Variants in LYST observed in about 807,000 individuals in gnomAD.
LYST encodes lysosomal-trafficking regulator.
Under a neutral mutation model 413.6 loss-of-function variants are expected in LYST, and 192 were observed. The observed-to-expected ratio is 0.46, with a 90% CI of 0.41 to 0.52. The LOEUF (loss-of-function observed/expected upper bound fraction) is 0.52, where lower values mean the gene tolerates loss of function less well. Ranked by LOEUF, LYST falls within the 20% of genes least tolerant of loss-of-function variation. LYST has a pLI of 0.00. For synonymous variants in LYST, 1,525 were observed against 1,567.3 expected (o/e 0.97, Z 0.64); for missense variants, 3,815 against 4,499.9 (o/e 0.85, Z 4.35).
chr1:235,674,014 T>C lies in LYST; in HGVS notation c.11038+3077A>G, dbSNP rs751161625. Among the ~76,000 whole-genome samples, 3 of 152,126 alleles carry C rather than the reference T, an allele frequency of 2.0e-5. No homozygotes were observed. Among genetic ancestry groups the C allele is most frequent in the Admixed American group, 6.6e-5 (1 of 15,266 alleles). On this transcript the variant is annotated intron_variant, in intron 50 of 52. Coordinates refer to ENST00000389793, the MANE Select transcript of LYST (RefSeq NM_000081.4). This position sits in a 1 kb window ranked among gnomAD's most constrained non-coding sequence, Gnocchi z 4.1. The stretch of plus-strand genomic sequence containing the variant: ...TCCGACCCACAGAATATGAACTGCA[T>C]AGCAGCTCTCTTCCAAGACCCCACA...
intron 1 of LYST, among the ~76,000 whole-genome samples, chr1:235,864,077 C>A (rs1680212730): frequency 6.6e-6 from 1 of 152,124 alleles, no homozygotes; most frequent in African/African-American, 2.4e-5. Context: ...CAGAATCCCC[C>A]TTATCCCTGA....
chr1:235,755,767 G>C, intron 24 of LYST, 120 bp from the exon 25 acceptor site: 1 of 605,956 alleles, frequency 1.7e-6, no homozygotes, highest in Non-Finnish European at 2.8e-6. Flanking sequence ...AACACAGAAA[G>C]CTTAAAAAAA....
intron 3 of LYST, among the ~76,000 whole-genome samples, chr1:235,814,571 G>A (rs1372516146): frequency 1.3e-5 from 2 of 152,106 alleles, no homozygotes; most frequent in African/African-American, 4.8e-5. Context: ...GAGTCAGCAG[G>A]GCCAAAGCTG....
intron 1 of LYST, among the ~76,000 whole-genome samples, chr1:235,852,460 A>G (rs1322355768): frequency 6.6e-6 from 1 of 152,222 alleles, no homozygotes; most frequent in African/African-American, 2.4e-5. Flanking sequence ...AGGTAATCTC[A>G]GCACTTTGCC....
chr1:235,795,257 T>G lies in LYST; in HGVS notation c.4007-1645A>C, dbSNP rs180726927. Among the ~76,000 whole-genome samples, 6 of 152,346 alleles carry G rather than the reference T, an allele frequency of 3.9e-5. No homozygotes were observed. In the East Asian group the frequency reaches 7.7e-4, roughly 20 times the overall value. ...AGCACAGATAGTTCAGTATTCACTTTTAGGTCCCAAACCTGATAACTCTTC... is the reference window on the plus strand; with the variant it reads ...AGCACAGATAGTTCAGTATTCACTTGTAGGTCCCAAACCTGATAACTCTTC... On this transcript the variant is annotated intron_variant, in intron 10 of 52. Transcript: ENST00000389793.
In LYST at chr1:235,734,674, A is replaced by G. The variant is rs1181180712; in HGVS notation, c.8359-15T>C. 6.4e-6 allele frequency: 10 copies of G among 1,562,202 alleles called. No individual in the cohort carries two copies. In the Admixed American group the frequency reaches 1.0e-4, roughly 16 times the overall value. ...TTGGCTCCATGCTTTAAAAAAAGTA[A>G]TAATTTTTTAGTCATTTAGAATTTT... On this transcript the variant is annotated splice_polypyrimidine_tract_variant and intron_variant, in intron 31 of 52. Coordinates refer to ENST00000389793, the MANE Select transcript of LYST (RefSeq NM_000081.4).
Position 235,780,971 on chromosome 1 carries a change from T to C in LYST, c.5108A>G (p.Lys1703Arg). The C allele has an allele frequency of 6.2e-7, 1 of 1,607,174 alleles. No individual in the cohort carries two copies. Among genetic ancestry groups the C allele is most frequent in the East Asian group, 2.2e-5 (1 of 44,634 alleles). ...HTSVMPCKYGKPVNDYSKYIN... is the reference protein window; with the variant it reads ...HTSVMPCKYGRPVNDYSKYIN... ...ATATTTGGAGTAGTCATTGACTGGC[T>C]TGCCATACTTACATGGCATTACAGA... Residue 1703 changes from lysine (K) to arginine (R), a missense_variant, in exon 16 of 53, where the codon AAG becomes AGG. Lys to Arg is a conservative substitution (Grantham distance 26). Around this residue, in one of 4 missense-constraint regions of LYST, gnomAD observed 530 missense variants for 696.5 expected, o/e 0.76. Transcript: ENST00000389793.
At chr1:235,784,539 G>T (rs1194572498) in intron 14 of LYST, among the ~76,000 whole-genome samples, 1 of 152,110 alleles carries the variant, frequency 6.6e-6, no homozygotes, top group Non-Finnish European at 1.5e-5. Context: ...CCTCCCTAGG[G>T]TCAGAGTTTA....
At position 235,809,051 on chromosome 1, in the gene LYST, T is replaced by G. The variant is rs747281781; in HGVS notation, c.1767A>C (p.Lys589Asn). 9.9e-6 allele frequency: 16 copies of G among 1,614,122 alleles called. No individual in the cohort carries two copies. Among genetic ancestry groups the G allele is most frequent in the Non-Finnish European group, 1.4e-5 (16 of 1,179,986 alleles). Residue 589 changes from lysine (K) to asparagine (N), a missense_variant, in exon 5 of 53, where the codon AAA becomes AAC. Physicochemically the swap from Lys to Asn is moderately conservative, Grantham distance 94. Coordinates refer to ENST00000389793, the MANE Select transcript of LYST (RefSeq NM_000081.4). This position sits in a 1 kb window ranked among gnomAD's most constrained non-coding sequence, Gnocchi z 4.0. Reference protein sequence around the residue: ...NIGICCCMDPKSVIIPLLHAF... With the variant: ...NIGICCCMDPNSVIIPLLHAF... ...CATGGAGCAAAGGAATGATTACAGA[T>G]TTGGGATCCATACAACAGCATATTC...
intron 3 of LYST, among the ~76,000 whole-genome samples, chr1:235,827,094 T>G (rs558820972): frequency 6.6e-6 from 1 of 152,198 alleles, no homozygotes; most frequent in African/African-American, 2.4e-5. Context: ...CTGGGCGCAG[T>G]GGCTCACACC....
chr1:235,679,165 C>T lies in LYST; in HGVS notation c.10801-1546G>A, dbSNP rs1194743219. Among the ~76,000 whole-genome samples the T allele has an allele frequency of 3.9e-5, 6 of 152,338 alleles. No homozygotes were observed. In the South Asian group the frequency reaches 1.2e-3, roughly 32 times the overall value. On this transcript the variant is annotated intron_variant, in intron 48 of 52. Transcript: ENST00000389793. Reference sequence around the variant, plus strand: ...TGTGACCTTCACCTGAAAACAATCACAGCGACCAGATCAGCTTTTAACAAC... The same window carrying T: ...TGTGACCTTCACCTGAAAACAATCATAGCGACCAGATCAGCTTTTAACAAC...
chr1:235,709,660 T>C (rs1420568492), intron 43 of LYST, among the ~76,000 whole-genome samples: 2 of 150,280 alleles, frequency 1.3e-5, no homozygotes, highest in Non-Finnish European at 2.9e-5. Flanking sequence ...ATCTATTCAA[T>C]TGTAAACCTG....
chr1:235,750,798 G>T (rs1385023356), intron 28 of LYST, among the ~76,000 whole-genome samples: 1 of 152,154 alleles, frequency 6.6e-6, no homozygotes, highest in African/African-American at 2.4e-5. Flanking sequence ...TTCTTTATCA[G>T]TTCTAGCATT....
intron 1 of LYST, among the ~76,000 whole-genome samples, chr1:235,840,364 G>A (rs1399803554): frequency 6.6e-6 from 1 of 152,226 alleles, no homozygotes; most frequent in Non-Finnish European, 1.5e-5. Context: ...ATTACAGTAA[G>A]TTTGGTATCA....
chr1:235,716,830 T>C (rs1235762296), intron 40 of LYST, 52 bp from the exon 41 acceptor site: 1 of 1,052,344 alleles, frequency 9.5e-7, no homozygotes, highest in Non-Finnish European at 1.5e-6. Flanking sequence ...CTGTCAAGAT[T>C]AAGCTCCCTA....
At chr1:235,786,343 A>C (rs60211084) in intron 14 of LYST, among the ~76,000 whole-genome samples, 8,310 of 152,260 alleles carry the variant, frequency 0.055, 776 homozygotes, top group African/African-American at 0.19. Context: ...TCAAAACCAC[A>C]ATGAGATACC....
chr1:235,666,907 C>T (rs934519643), intron 50 of LYST, among the ~76,000 whole-genome samples: 4 of 152,102 alleles, frequency 2.6e-5, no homozygotes, highest in Admixed American at 1.3e-4. Context: ...AGGGGTTTCT[C>T]GCTGTAACCC....
At chr1:235,819,288 T>C (rs1674497874) in intron 3 of LYST, among the ~76,000 whole-genome samples, 1 of 152,176 alleles carries the variant, frequency 6.6e-6, no homozygotes, top group South Asian at 2.1e-4. Flanking sequence ...AATATCTGGG[T>C]ATCATTTATT....
At chr1:235,728,272 T>G (rs763157136) in intron 37 of LYST, 141 bp from the exon 38 acceptor site, 194 of 664,224 alleles carry the variant, frequency 2.9e-4, no homozygotes, top group Non-Finnish European at 4.6e-4. Context: ...CAATAAATAT[T>G]TTTGAATAGT....
Sources: gnomAD v4.1 joint callset for allele counts (sites outside exome capture counted in the v4.1 genomes callset) on GRCh38, gnomAD v4.1.1 for gene constraint, gnomAD v4.1.1 regional missense constraint, Gnocchi (gnomAD v3.1) non-coding constraint, MANE v1.5 for transcripts, NCBI Gene and HGNC (gene_info 2026-07-23, HGNC 2026-07-21) for gene names.